PPM1L: variants seen among roughly 807,000 people sequenced by gnomAD.
PPM1L encodes the protein protein phosphatase, Mg2+/Mn2+ dependent 1L.
PPM1L carries 13 observed loss-of-function variants against 31.4 expected under a neutral mutation model. The observed-to-expected ratio is 0.41, with a 90% CI of 0.27 to 0.66. The LOEUF is 0.66. Among genes scored for constraint, PPM1L ranks in the 30% least tolerant of loss-of-function variants. PPM1L has a pLI of 0.29. For missense variants in PPM1L, 326 were observed against 453.7 expected (o/e 0.72, Z 2.56); for synonymous variants, 184 against 175.4 (o/e 1.05, Z -0.39).
intron 2 of PPM1L, among the ~76,000 whole-genome samples, chr3:161,032,378 C>T (rs1718597064): frequency 6.6e-6 from 1 of 152,194 alleles, no homozygotes; most frequent in African/African-American, 2.4e-5. Context: ...AGTTGCTCAT[C>T]ACCTACCTGA....
intron 2 of PPM1L, among the ~76,000 whole-genome samples, chr3:161,054,327 A>G (rs1011701829): frequency 1.3e-5 from 2 of 150,918 alleles, no homozygotes; most frequent in African/African-American, 4.8e-5. Flanking sequence ...GAAACCCCCT[A>G]ATGTGCTGTT....
intron 1 of PPM1L, among the ~76,000 whole-genome samples, chr3:160,826,784 C>G (rs1560118074): frequency 6.6e-6 from 1 of 152,052 alleles, no homozygotes; most frequent in African/African-American, 2.4e-5. Context: ...TGAAAAACAG[C>G]ATTGCAAAAT....
intron 1 of PPM1L, among the ~76,000 whole-genome samples, chr3:160,912,936 A>G (rs2108064176): frequency 6.6e-6 from 1 of 152,282 alleles, no homozygotes; most frequent in East Asian, 1.9e-4. Context: ...GATAACCCTA[A>G]GCTTTCTTTT....
intron 1 of PPM1L, among the ~76,000 whole-genome samples, chr3:160,814,004 A>G (rs1020033277): frequency 2.0e-5 from 3 of 152,254 alleles, no homozygotes; most frequent in Non-Finnish European, 4.4e-5. Flanking sequence ...ATAGAGACAT[A>G]GAAAAGTAAA....
intron 1 of PPM1L, among the ~76,000 whole-genome samples, chr3:160,857,751 A>T (rs1490098373): frequency 1.3e-5 from 2 of 152,214 alleles, no homozygotes; most frequent in African/African-American, 4.8e-5. Context: ...TAAAATAATA[A>T]ATGCTATTGT....
At chr3:160,857,817 C>A (rs976950928) in intron 1 of PPM1L, among the ~76,000 whole-genome samples, 3 of 152,180 alleles carry the variant, frequency 2.0e-5, no homozygotes, top group African/African-American at 7.2e-5. Context: ...CATTCCCCAG[C>A]TAATTATTTT....
chr3:160,893,555 C>G (rs1030198704), intron 1 of PPM1L, among the ~76,000 whole-genome samples: 2 of 152,152 alleles, frequency 1.3e-5, no homozygotes, highest in Non-Finnish European at 2.9e-5. Context: ...TCAGAGCTCC[C>G]TAAATGAAAT....
chr3:161,043,479 T>G (rs1576802321), intron 2 of PPM1L, among the ~76,000 whole-genome samples: 1 of 152,316 alleles, frequency 6.6e-6, no homozygotes, highest in Admixed American at 6.5e-5. Flanking sequence ...TGTTTTCACA[T>G]GTGGAAAATA....
intron 1 of PPM1L, among the ~76,000 whole-genome samples, chr3:160,818,479 T>C (rs1053520089): frequency 6.6e-6 from 1 of 152,046 alleles, no homozygotes; most frequent in East Asian, 1.9e-4. Flanking sequence ...TTCAGTTCTT[T>C]ACCCAACTTA....
chr3:160,898,754 T>C (rs1324517556), intron 1 of PPM1L, among the ~76,000 whole-genome samples: 1 of 152,188 alleles, frequency 6.6e-6, no homozygotes, highest in Admixed American at 6.5e-5. Flanking sequence ...TGAGTGACAA[T>C]AGTAGGTGCC....
chr3:160,783,288 A>G (rs1711800769), intron 1 of PPM1L, among the ~76,000 whole-genome samples: 1 of 152,196 alleles, frequency 6.6e-6, no homozygotes, highest in African/African-American at 2.4e-5. Context: ...GACATTTATC[A>G]TGTCCTGTCT....
chr3:160,971,271 C>T (rs1482001056), intron 2 of PPM1L, among the ~76,000 whole-genome samples: 4 of 152,158 alleles, frequency 2.6e-5, no homozygotes, highest in African/African-American at 7.2e-5. Context: ...CTCTTCCAGT[C>T]GTAACAATGT....
chr3:160,815,827 G>A (rs1015244107), intron 1 of PPM1L, among the ~76,000 whole-genome samples: 2 of 152,130 alleles, frequency 1.3e-5, no homozygotes, highest in Non-Finnish European at 2.9e-5. Context: ...TTTGCTTAGG[G>A]CAGGGCTCTG....
At chr3:160,852,317 A>G (rs1231642116) in intron 1 of PPM1L, among the ~76,000 whole-genome samples, 2 of 152,196 alleles carry the variant, frequency 1.3e-5, no homozygotes, top group African/African-American at 4.8e-5. Flanking sequence ...AAAAAAAAAT[A>G]AATTTTTATA....
intron 1 of PPM1L, among the ~76,000 whole-genome samples, chr3:160,924,696 A>G (rs748993084): frequency 4.6e-5 from 7 of 152,220 alleles, no homozygotes; most frequent in African/African-American, 1.4e-4. Flanking sequence ...GCCTTCCTCA[A>G]TCTCAATGTA....
intron 2 of PPM1L, among the ~76,000 whole-genome samples, chr3:161,063,098 T>G (rs950822360): frequency 6.6e-5 from 10 of 152,184 alleles, no homozygotes; most frequent in Non-Finnish European, 1.5e-5. Flanking sequence ...TTTCAAACTC[T>G]AAGACTGTGC....
intron 1 of PPM1L, among the ~76,000 whole-genome samples, chr3:160,818,725 T>G (rs1713068877): frequency 1.3e-5 from 2 of 152,090 alleles, no homozygotes; most frequent in Non-Finnish European, 2.9e-5. Flanking sequence ...TATTAACACA[T>G]AATAATTATA....
chr3:160,769,387 A>G (rs1442662111), intron 1 of PPM1L, among the ~76,000 whole-genome samples: 1 of 152,198 alleles, frequency 6.6e-6, no homozygotes, highest in Admixed American at 6.5e-5. Context: ...TTCAGAAAAG[A>G]GTAAACCTTC....
intron 1 of PPM1L, among the ~76,000 whole-genome samples, chr3:160,876,950 T>G (rs550763876): frequency 1.3e-5 from 2 of 152,346 alleles, no homozygotes; most frequent in African/African-American, 4.8e-5. Flanking sequence ...AATCATAGGC[T>G]AAGAATCCCC....
Sources: allele counts gnomAD v4.1 joint callset (sites outside exome capture counted in the v4.1 genomes callset), GRCh38; gene constraint gnomAD v4.1.1; transcripts MANE v1.5; gene names NCBI Gene and HGNC (gene_info 2026-07-23, HGNC 2026-07-21).